Variants in ABCE1 observed in about 807,000 individuals in gnomAD.
The protein encoded by ABCE1 is ATP binding cassette subfamily E member 1, also known as ATP-binding cassette sub-family E member 1.
A neutral mutation model predicts 83.4 loss-of-function variants in ABCE1; 22 were observed. The ratio of observed to expected loss-of-function variants is 0.26; its 90% CI spans 0.19 to 0.38. The LOEUF (loss-of-function observed/expected upper bound fraction) is 0.38, where lower values mean the gene tolerates loss of function less well. ABCE1 is among the 10% of genes least tolerant of loss of function. The pLI, the probability that ABCE1 is intolerant of heterozygous loss-of-function variation, is 1.00. For synonymous variants in ABCE1, 204 were observed against 233.7 expected (o/e 0.87, Z 1.16); for missense variants, 330 against 721.9 (o/e 0.46, Z 6.22).
intron 1 of ABCE1, among the ~76,000 whole-genome samples, chr4:145,103,758 T>C (rs1373425745): frequency 2.1e-5 from 3 of 144,844 alleles, no homozygotes; most frequent in Admixed American, 2.1e-4. Context: ...TTGTCTGGGT[T>C]GGTTGGGGTT....
intron 1 of ABCE1, among the ~76,000 whole-genome samples, chr4:145,099,798 T>C (rs546581154): frequency 1.3e-5 from 2 of 152,356 alleles, no homozygotes; most frequent in South Asian, 4.1e-4. Flanking sequence ...GTTACAATTA[T>C]TTTGGCTTTA....
intron 10 of ABCE1, among the ~76,000 whole-genome samples, chr4:145,118,258 T>C (rs1164395174): frequency 1.3e-5 from 2 of 150,714 alleles, no homozygotes; most frequent in Non-Finnish European, 3.0e-5. Flanking sequence ...TCTTTCTTTT[T>C]TTTTTTTTTA....
intron 4 of ABCE1, 47 bp from the exon 5 acceptor site, chr4:145,109,085 T>A (rs1749390139): frequency 7.5e-7 from 1 of 1,335,426 alleles, no homozygotes; most frequent in Non-Finnish European, 1.1e-6. Flanking sequence ...TGTGGCTTTT[T>A]CTGTGTAAAT....
At chr4:145,118,104 T>C (rs906517434) in intron 10 of ABCE1, among the ~76,000 whole-genome samples, 3 of 151,720 alleles carry the variant, frequency 2.0e-5, no homozygotes, top group Non-Finnish European at 3.0e-5. Flanking sequence ...TGTCTTATTT[T>C]TATTTTTCTC....
intron 13 of ABCE1, 164 bp downstream of exon 13, chr4:145,121,555 C>T: frequency 1.7e-6 from 1 of 590,278 alleles, no homozygotes; most frequent in Non-Finnish European, 3.0e-6. Flanking sequence ...TTCATATCCA[C>T]TGCTAAGAAA....
chr4:145,114,985 A>G (rs756060687), intron 9 of ABCE1, among the ~76,000 whole-genome samples: 2 of 152,012 alleles, frequency 1.3e-5, no homozygotes, highest in Non-Finnish European at 2.9e-5. Context: ...ATAATGAAAA[A>G]TAGAGGATGC....
intron 1 of ABCE1, among the ~76,000 whole-genome samples, chr4:145,101,946 C>G (rs915217444): frequency 6.6e-6 from 1 of 151,968 alleles, no homozygotes; most frequent in African/African-American, 2.4e-5. Context: ...CCTGTGAGAC[C>G]AGAATAGAAC....
At chr4:145,103,544 A>G (rs1197341871) in intron 1 of ABCE1, among the ~76,000 whole-genome samples, 1 of 152,210 alleles carries the variant, frequency 6.6e-6, no homozygotes, top group East Asian at 1.9e-4. Context: ...TAGTATATAC[A>G]TATAGTTATT....
intron 5 of ABCE1, 100 bp downstream of exon 5, chr4:145,109,349 T>G (rs531628085): frequency 1.6e-6 from 1 of 634,194 alleles, no homozygotes; most frequent in African/African-American, 1.9e-5. Context: ...ATTTTCAAAA[T>G]TATTTATGGA....
intron 2 of ABCE1, 137 bp from the exon 3 acceptor site, chr4:145,105,468 T>C: frequency 3.5e-6 from 2 of 574,058 alleles, no homozygotes; most frequent in East Asian, 2.9e-5. Context: ...TTATCTCAAA[T>C]GTATTTCTTT....
At chr4:145,126,057 A>AC (rs1180710345) in intron 17 of ABCE1, among the ~76,000 whole-genome samples, 5 of 151,850 alleles carry the variant, frequency 3.3e-5, no homozygotes, top group African/African-American at 1.2e-4. Flanking sequence ...CGCCCCCGCA[A>AC]CCCCCGCAAA....
At chr4:145,102,157 G>T (rs1212744304) in intron 1 of ABCE1, among the ~76,000 whole-genome samples, 1 of 152,130 alleles carries the variant, frequency 6.6e-6, no homozygotes, top group African/African-American at 2.4e-5. Flanking sequence ...GATTGGTCAG[G>T]TGAATTAAGG....
chr4:145,109,147 T>C lies in ABCE1; in HGVS notation c.303T>C (p.Arg101=). ...CTTGTAACAGGTTGCCTATCCCTCGTCCAGGTGAAGTTTTGGGATTAGTTG... is the reference window on the plus strand; with the variant it reads ...CTTGTAACAGGTTGCCTATCCCTCGCCCAGGTGAAGTTTTGGGATTAGTTG... The part of the protein sequence containing the change: ...AFKLHRLPIP[R]PGEVLGLVGT... Residue 101 remains arginine (R), a synonymous_variant, in exon 5 of 18, where the codon CGT becomes CGC. Transcript: ENST00000296577. 1 of 1,611,912 alleles carries C rather than the reference T, an allele frequency of 6.2e-7. No individual in the cohort carries two copies. Among genetic ancestry groups the C allele is most frequent in the Non-Finnish European group, 8.5e-7 (1 of 1,179,092 alleles).
At chr4:145,118,239 T>G (rs1749654897) in intron 10 of ABCE1, among the ~76,000 whole-genome samples, 1 of 150,972 alleles carries the variant, frequency 6.6e-6, no homozygotes, top group Non-Finnish European at 1.5e-5. Flanking sequence ...ACAGGTTTTT[T>G]GGTTTCTTTC....
In ABCE1 at chr4:145,126,688, T is replaced by C. The variant is rs190381398; in HGVS notation, c.1753-838T>C. On this transcript the variant is annotated intron_variant, in intron 17 of 17. Transcript: ENST00000296577. ...TTAATGCTTAAAAGCTTTAGAAGTA[T>C]GTTATACATACTTCTGCTGTAGCAT... Among the ~76,000 whole-genome samples the C allele has an allele frequency of 4.3e-4, 66 of 152,340 alleles. No homozygotes were observed. In the East Asian group the frequency reaches 0.012, roughly 28 times the overall value.
rs772558441 is a variant in ABCE1, at chr4:145,123,022, G to C, written c.1265G>C (p.Gly422Ala). The C allele has an allele frequency of 1.3e-6, 2 of 1,560,830 alleles. No individual in the cohort carries two copies. Among genetic ancestry groups the C allele is most frequent in the Non-Finnish European group, 8.7e-7 (1 of 1,154,746 alleles). Residue 422 changes from glycine to alanine, a missense_variant and splice_region_variant, in exon 14 of 18, where the codon GGA becomes GCA. Coordinates refer to ENST00000296577, the MANE Select transcript of ABCE1 (RefSeq NM_002940.3). Reference sequence around the variant, plus strand: ...AATACTTTTTTATATTAAAAACAGGGAAGTGTTCGCCAGTTACTACATGAA... The same window carrying C: ...AATACTTTTTTATATTAAAAACAGGCAAGTGTTCGCCAGTTACTACATGAA... Reference protein sequence around the residue: ...KPQKISPKSTGSVRQLLHEKI... With the variant: ...KPQKISPKSTASVRQLLHEKI...
chr4:145,109,539 A>G (rs567524504), intron 5 of ABCE1, among the ~76,000 whole-genome samples: 4 of 152,320 alleles, frequency 2.6e-5, no homozygotes, highest in East Asian at 1.9e-4. Context: ...AAATAGCTCA[A>G]TTAGTTTTTG....
At chr4:145,103,198 A>G (rs1414487091) in intron 1 of ABCE1, among the ~76,000 whole-genome samples, 1 of 152,172 alleles carries the variant, frequency 6.6e-6, no homozygotes, top group Non-Finnish European at 1.5e-5. Context: ...AATGATATTG[A>G]TGGGTGTGAA....
chr4:145,099,520 TC>T (rs929065453), intron 1 of ABCE1, among the ~76,000 whole-genome samples: 41 of 152,190 alleles, frequency 2.7e-4, no homozygotes, highest in Admixed American at 3.3e-4. Flanking sequence ...AACTTAGTTC[TC>T]CCCTATTTTA....
Sources: allele counts gnomAD v4.1 joint callset (sites outside exome capture counted in the v4.1 genomes callset), GRCh38; gene constraint gnomAD v4.1.1; transcripts MANE v1.5; gene names NCBI Gene and HGNC (gene_info 2026-07-23, HGNC 2026-07-21).